The following WASHC5 variants were observed in gnomAD, a reference collection of about 807,000 sequenced individuals.
WASHC5 encodes WASH complex subunit 5.
A neutral mutation model predicts 150.4 loss-of-function variants in WASHC5; 101 were observed. The ratio of observed to expected loss-of-function variants is 0.67; its 90% confidence interval spans 0.57 to 0.79. The LOEUF is 0.79. WASHC5 is among the 30% of genes least tolerant of loss of function. The pLI is 0.00. For synonymous variants in WASHC5, 467 were observed against 491.2 expected (o/e 0.95, Z 0.65); for missense variants, 1,195 against 1,396.3 (o/e 0.86, Z 2.30).
At chr8:125,079,468 G>A (rs1817185462) in intron 5 of WASHC5, among the ~76,000 whole-genome samples, 1 of 152,076 alleles carries the variant, frequency 6.6e-6, no homozygotes, top group Non-Finnish European at 1.5e-5. Flanking sequence ...TGGGATTACA[G>A]GTGTGAGCCA....
intron 11 of WASHC5, among the ~76,000 whole-genome samples, chr8:125,061,919 C>T (rs550159430): frequency 6.6e-6 from 1 of 152,242 alleles, no homozygotes; most frequent in South Asian, 2.1e-4. Context: ...TACAGGGTGA[C>T]ACGGTGACTA....
intron 8 of WASHC5, 69 bp from the exon 9 acceptor site, chr8:125,073,393 G>A: frequency 7.9e-7 from 1 of 1,267,142 alleles, no homozygotes; most frequent in South Asian, 1.2e-5. Context: ...ACATTCAAAT[G>A]AATTCACTGA....
chr8:125,082,490 A>G, intron 3 of WASHC5, 23 bp from the exon 4 acceptor site: 1 of 1,225,346 alleles, frequency 8.2e-7, no homozygotes, highest in Non-Finnish European at 1.2e-6. Context: ...CCACAGTGCA[A>G]GTTATTAATT....
intron 4 of WASHC5, 81 bp from the exon 5 acceptor site, chr8:125,081,842 T>C: frequency 1.2e-6 from 1 of 860,910 alleles, no homozygotes; most frequent in South Asian, 1.3e-5. Flanking sequence ...TGAAAAATAT[T>C]GCTTTGCTCA....
intron 9 of WASHC5, among the ~76,000 whole-genome samples, chr8:125,069,194 A>G (rs1359220891): frequency 6.6e-6 from 1 of 152,214 alleles, no homozygotes; most frequent in Admixed American, 6.5e-5. Context: ...TTGCTATAAA[A>G]GTGAGCTCTC....
intron 28 of WASHC5, 95 bp downstream of exon 28, chr8:125,028,525 C>T: frequency 1.3e-5 from 11 of 839,396 alleles, no homozygotes; most frequent in East Asian, 5.1e-5. Flanking sequence ...CTACTGTGAA[C>T]GACCTATTGG....
intron 27 of WASHC5, among the ~76,000 whole-genome samples, chr8:125,030,621 G>C (rs2129956240): frequency 8.0e-6 from 1 of 125,390 alleles, no homozygotes; most frequent in South Asian, 2.9e-4. Flanking sequence ...CTGGGCGACA[G>C]AGCGACTCTT....
At chr8:125,072,283 G>A (rs1287043941) in intron 9 of WASHC5, among the ~76,000 whole-genome samples, 1 of 139,958 alleles carries the variant, frequency 7.1e-6, no homozygotes, top group Non-Finnish European at 1.5e-5. Context: ...AGGTCTGAGT[G>A]AGCTGAGATT....
At chr8:125,057,156 A>G (rs547489124) in intron 15 of WASHC5, among the ~76,000 whole-genome samples, 1 of 152,340 alleles carries the variant, frequency 6.6e-6, no homozygotes, top group East Asian at 1.9e-4. Flanking sequence ...GTCTGGCTCC[A>G]TGCTCCATCA....
In WASHC5 at chr8:125,028,718, G is replaced by A; in HGVS notation, c.3336-11C>T. 6.3e-7 allele frequency: 1 copy of A among 1,591,172 alleles called. No individual in the cohort carries two copies. Among genetic ancestry groups the A allele is most frequent in the Non-Finnish European group, 8.6e-7 (1 of 1,159,284 alleles). On this transcript the variant is annotated splice_polypyrimidine_tract_variant and intron_variant, in intron 27 of 28. Transcript: ENST00000318410. ...TCAGGTATCTTCTGGCTGTGATAGA[G>A]AACAGTTTAGATCAATTAACTGCTT... is the stretch of plus-strand genomic sequence containing the variant.
intron 19 of WASHC5, among the ~76,000 whole-genome samples, chr8:125,047,749 T>C (rs1428052132): frequency 6.6e-6 from 1 of 152,144 alleles, no homozygotes; most frequent in African/African-American, 2.4e-5. Flanking sequence ...TTTGTGTTTT[T>C]AGTAGAGACA....
At chr8:125,080,685 A>AG (rs1817230023) in intron 5 of WASHC5, among the ~76,000 whole-genome samples, 1 of 152,192 alleles carries the variant, frequency 6.6e-6, no homozygotes, top group East Asian at 1.9e-4. Flanking sequence ...TTTTTAGCTC[A>AG]TTCAACCAAT....
intron 20 of WASHC5, among the ~76,000 whole-genome samples, chr8:125,046,601 T>G (rs1453654744): frequency 6.6e-6 from 1 of 152,232 alleles, no homozygotes; most frequent in Non-Finnish European, 1.5e-5. Flanking sequence ...AGCTTTTCTG[T>G]GCTTCAGTTA....
chr8:125,074,526 C>T (rs1178056759), intron 8 of WASHC5, among the ~76,000 whole-genome samples: 3 of 152,070 alleles, frequency 2.0e-5, no homozygotes, highest in Non-Finnish European at 4.4e-5. Context: ...AGAATATAAC[C>T]GTTTAACCTT....
rs150026441 is a variant in WASHC5, at chr8:125,078,832, T to C, written c.617A>G (p.Asn206Ser). Reference protein sequence around the residue: ...SSQPGAKRPSNYPESYFQRVP... With the variant: ...SSQPGAKRPSSYPESYFQRVP... ...TCTCTGGAAATAGCTCTCGGGATAGTTGGATGGTCTTTTGGCACCTGGTTG... is the reference window on the plus strand; with the variant it reads ...TCTCTGGAAATAGCTCTCGGGATAGCTGGATGGTCTTTTGGCACCTGGTTG... Residue 206 changes from asparagine to serine, a missense_variant, in exon 6 of 29, where the codon AAC becomes AGC. Asn to Ser is a conservative substitution (Grantham distance 46). This residue lies in a region of WASHC5 where 997 missense variants were observed against 1,168.1 expected (regional missense o/e 0.85). Coordinates refer to ENST00000318410, the MANE Select transcript of WASHC5 (RefSeq NM_014846.4). The C allele has an allele frequency of 5.3e-4, 854 of 1,613,920 alleles. 4 individuals are homozygous for C. In the African/African-American group the frequency reaches 6.9e-3, roughly 13 times the overall value.
At position 125,076,351 on chromosome 8, in the gene WASHC5, A is replaced by G. The variant is rs1817059764; in HGVS notation, c.861T>C (p.Asn287=). The change falls in exon 7 of 29, where the codon AAT becomes AAC. Residue 287 remains asparagine (N), a synonymous_variant. Coordinates refer to ENST00000318410, the MANE Select transcript of WASHC5 (RefSeq NM_014846.4). ...REIVDKYFPD[N]WVISIYMGIT... ...GAAAAAAATTAGCAATACTTGCCCA[A>G]TTATCTGGAAAGTATTTATCCACTA... 4 of 1,613,790 alleles carry G rather than the reference A, an allele frequency of 2.5e-6. No homozygotes were observed. The highest frequency in any genetic ancestry group is 3.4e-6 in the Non-Finnish European group (4 of 1,179,866).
chr8:125,048,236 CTT>C (rs1816132380), intron 19 of WASHC5, among the ~76,000 whole-genome samples: 2 of 152,148 alleles, frequency 1.3e-5, no homozygotes, highest in Non-Finnish European at 2.9e-5. Flanking sequence ...CTGGAATAGA[CTT>C]AAACTTTTGA....
In WASHC5 at chr8:125,032,377, G is replaced by T; in HGVS notation, c.3199C>A (p.Pro1067Thr). ...GGTGGCCAATCAACCGGGTCGGTCG[G>T]TTTTCGGCAGACCATTCCTGCAAGG... ...NKNLGMVCRKPTDPVDWPPLV... is the reference protein window; with the variant it reads ...NKNLGMVCRKTTDPVDWPPLV... Residue 1067 changes from proline (P) to threonine (T), a missense_variant, in exon 27 of 29, where the codon CCG becomes ACG. Pro to Thr is a conservative substitution (Grantham distance 38, BLOSUM62 -1). Around this residue, in one of 3 missense-constraint regions of WASHC5, gnomAD observed 997 missense variants for 1,168.1 expected, o/e 0.85. Coordinates refer to ENST00000318410, the MANE Select transcript of WASHC5 (RefSeq NM_014846.4). 6.2e-7 allele frequency: 1 copy of T among 1,614,036 alleles called. No homozygotes were observed. Among genetic ancestry groups the T allele is most frequent in the South Asian group, 1.1e-5 (1 of 91,076 alleles).
At chr8:125,026,347 T>C (rs1484945704) in intron 28 of WASHC5, among the ~76,000 whole-genome samples, 1 of 152,204 alleles carries the variant, frequency 6.6e-6, no homozygotes, top group Non-Finnish European at 1.5e-5. Context: ...ATCAAGAAAC[T>C]AGTCCTTTGT....
Sources: gnomAD v4.1 joint callset for allele counts (sites outside exome capture counted in the v4.1 genomes callset) on GRCh38, gnomAD v4.1.1 for gene constraint, gnomAD v4.1.1 regional missense constraint, MANE v1.5 for transcripts, NCBI Gene and HGNC (gene_info 2026-07-23, HGNC 2026-07-21) for gene names.